Variants in STK3 observed in about 807,000 individuals in gnomAD.
STK3 encodes the protein serine/threonine-protein kinase 3.
STK3 carries 41 observed loss-of-function variants against 58.0 expected under a neutral mutation model. The observed-to-expected ratio is 0.71, with a 90% CI of 0.55 to 0.92. STK3 has a LOEUF of 0.92. Ranked by LOEUF, STK3 falls within the 40% of genes least tolerant of loss-of-function variation. The pLI, the probability that STK3 is intolerant of heterozygous loss-of-function variation, is 0.00. For missense variants in STK3, 479 were observed against 602.7 expected, an observed-to-expected ratio of 0.79 and a Z score of 2.15; for synonymous variants, 170 against 191.0, an observed-to-expected ratio of 0.89 and a Z score of 0.91.
chr8:98,767,343 G>A lies in STK3; in HGVS notation c.136C>T (p.His46Tyr). Reference sequence around the variant, plus strand: ...GCGACAACTTGACCGGATTCCTTGTGTATTGCTTTAAATACACTTCCATAA... The same window carrying A: ...GCGACAACTTGACCGGATTCCTTGTATATTGCTTTAAATACACTTCCATAA... Reference protein sequence around the residue: ...GSYGSVFKAIHKESGQVVAIK... With the variant: ...GSYGSVFKAIYKESGQVVAIK... Residue 46 changes from histidine to tyrosine, a missense_variant, in exon 3 of 11, where the codon CAC (histidine) becomes TAC (tyrosine). Coordinates refer to ENST00000419617, the MANE Select transcript of STK3 (RefSeq NM_006281.4). The A allele has an allele frequency of 6.2e-7, 1 of 1,609,474 alleles. No individual in the cohort carries two copies. Among genetic ancestry groups the A allele is most frequent in the Non-Finnish European group, 8.5e-7 (1 of 1,178,942 alleles).
chr8:98,507,931 C>A (rs1214601310), intron 10 of STK3, among the ~76,000 whole-genome samples: 1 of 152,172 alleles, frequency 6.6e-6, no homozygotes, highest in Non-Finnish European at 1.5e-5. Context: ...AAGCCCTTTA[C>A]CCCAACACCG....
At chr8:98,724,802 C>T (rs1827682438) in intron 4 of STK3, among the ~76,000 whole-genome samples, 1 of 152,124 alleles carries the variant, frequency 6.6e-6, no homozygotes, top group Non-Finnish European at 1.5e-5. Context: ...AGAGTCAGAC[C>T]ATGCAGAGAA....
intron 1 of STK3, among the ~76,000 whole-genome samples, chr8:98,935,475 T>G (rs917761891): frequency 2.6e-5 from 4 of 152,222 alleles, no homozygotes; most frequent in Non-Finnish European, 5.9e-5. Flanking sequence ...TATCCCCAAA[T>G]TAATTGCATC....
At chr8:98,817,839 A>G (rs1439759677) in intron 1 of STK3, among the ~76,000 whole-genome samples, 1 of 152,170 alleles carries the variant, frequency 6.6e-6, no homozygotes, top group Non-Finnish European at 1.5e-5. Flanking sequence ...TTAACCCTCT[A>G]CAATCTACTC....
At chr8:98,568,435 C>T (rs1812691595) in intron 8 of STK3, among the ~76,000 whole-genome samples, 1 of 152,180 alleles carries the variant, frequency 6.6e-6, no homozygotes, top group Non-Finnish European at 1.5e-5. Context: ...AGAGAAAAGT[C>T]ACAAGAAGCA....
intron 1 of STK3, among the ~76,000 whole-genome samples, chr8:98,887,876 C>A (rs371552260): frequency 1.1e-4 from 17 of 152,302 alleles, no homozygotes; most frequent in African/African-American, 3.6e-4. Context: ...GAACACATGG[C>A]TCGAGGCATT....
chr8:98,378,008 G>C (rs1586542075), intron 2 of STK3, among the ~76,000 whole-genome samples: 2 of 152,310 alleles, frequency 1.3e-5, no homozygotes, highest in Admixed American at 1.3e-4. Context: ...TTGACTTCAA[G>C]AGGTGTCTCC....
At chr8:98,893,478 GAAAGAAAGAGAAAGAAAGAAAGAAAGAA>G (rs1838306932) in intron 1 of STK3, among the ~76,000 whole-genome samples, 10 of 65,216 alleles carry the variant, frequency 1.5e-4, no homozygotes, top group African/African-American at 4.4e-4. Context: ...AAGAAAGAAA[GAAAGAAAGAGAAAGAAAGAAAGAAAGAA>G]AGAAAGAAAG....
Position 98,428,949 on chromosome 8 carries a change from T to A in STK3, n.483+5178A>T. 1 of 1,614,096 alleles carries A rather than the reference T, an allele frequency of 6.2e-7. No homozygotes were observed. Among genetic ancestry groups the A allele is most frequent in the Non-Finnish European group, 8.5e-7 (1 of 1,180,014 alleles). On this transcript the variant is annotated intron_variant and non_coding_transcript_variant, in intron 3 of 3. Coordinates refer to the STK3 transcript ENST00000517832. The surrounding 1 kb of genome is among the most constrained non-coding windows in gnomAD (Gnocchi z 6.7). ...CCGCTCCCTGGGGGCCACTTTGAAA[T>A]ACAGCTACAAAGAAGTAGGGCTGCT...
chr8:98,413,429 C>A, intron 3 of STK3: 1 of 571,544 alleles, frequency 1.7e-6, no homozygotes. Flanking sequence ...CCCTCACTTT[C>A]CTGGGGTCCA....
intron 9 of STK3, among the ~76,000 whole-genome samples, chr8:98,528,599 G>C (rs1586786091): frequency 6.6e-6 from 1 of 152,038 alleles, no homozygotes; most frequent in Non-Finnish European, 1.5e-5. Flanking sequence ...CAATTCTCCT[G>C]CCTCAGCCTC....
intron 9 of STK3, among the ~76,000 whole-genome samples, chr8:98,528,145 G>A (rs1474432991): frequency 1.3e-5 from 2 of 152,090 alleles, no homozygotes; most frequent in East Asian, 3.9e-4. Context: ...ATCACTTCTT[G>A]CTTAGGCCAT....
chr8:98,399,108 A>G (rs1314596561), downstream of STK3, among the ~76,000 whole-genome samples: 1 of 152,214 alleles, frequency 6.6e-6, no homozygotes, highest in Non-Finnish European at 1.5e-5. Context: ...CAGTCCATCA[A>G]AATCCTTGGG....
At chr8:98,452,320 A>G (rs1007918675), downstream of STK3, among the ~76,000 whole-genome samples, 1 of 152,248 alleles carries the variant, frequency 6.6e-6, no homozygotes, top group Non-Finnish European at 1.5e-5. Context: ...TCTGACATAT[A>G]GTAAGTGCCC....
At chr8:98,662,513 ATTTT>A (rs897876621) in intron 6 of STK3, among the ~76,000 whole-genome samples, 2 of 152,088 alleles carry the variant, frequency 1.3e-5, no homozygotes, top group South Asian at 4.2e-4. Context: ...TATTGGAGGG[ATTTT>A]TTTAACACCA....
At chr8:98,864,130 G>A (rs1390158923) in intron 3 of STK3, among the ~76,000 whole-genome samples, 3 of 149,736 alleles carry the variant, frequency 2.0e-5, no homozygotes, top group Non-Finnish European at 4.4e-5. Context: ...ATCGGGAGGC[G>A]GAGCTTGCAG....
intron 6 of STK3, among the ~76,000 whole-genome samples, chr8:98,617,847 G>C (rs1262714402): frequency 6.6e-6 from 1 of 152,084 alleles, no homozygotes; most frequent in African/African-American, 2.4e-5. Flanking sequence ...AAAGAGTCCA[G>C]GACCAGATGG....
At chr8:98,690,465 ACAACCTAGGAAT>A (rs1237335483) in intron 6 of STK3, among the ~76,000 whole-genome samples, 2 of 151,542 alleles carry the variant, frequency 1.3e-5, no homozygotes, top group African/African-American at 2.4e-5. Context: ...AAAAAAAAAA[ACAACCTAGGAAT>A]ACACCTAACC....
intron 3 of STK3, chr8:98,393,690 AG>A (rs1250312491): frequency 6.6e-6 from 1 of 151,878 alleles, no homozygotes; most frequent in Non-Finnish European, 1.5e-5. Context: ...GGAGGATAAG[AG>A]ACCTTTATAT....
Sources: allele counts gnomAD v4.1 joint callset (sites outside exome capture counted in the v4.1 genomes callset), GRCh38; gene constraint gnomAD v4.1.1; non-coding constraint Gnocchi (gnomAD v3.1); transcripts MANE v1.5; gene names NCBI Gene and HGNC (gene_info 2026-07-23, HGNC 2026-07-21).